Variants in NKX2-2 observed in about 807,000 individuals in gnomAD.
NKX2-2 encodes the protein homeobox protein Nkx-2.2.
A neutral mutation model predicts 24.6 loss-of-function variants in NKX2-2; 8 were observed. The observed-to-expected ratio is 0.32, with a 90% CI of 0.19 to 0.59. NKX2-2 has a LOEUF of 0.59. Among genes scored for constraint, NKX2-2 ranks in the 20% least tolerant of loss-of-function variants. The probability of loss-of-function intolerance (pLI) is 0.86; values close to 1 mark genes in which losing one functional copy is unlikely to be tolerated. For synonymous variants in NKX2-2, 217 were observed against 173.3 expected (o/e 1.25, Z -1.98); for missense variants, 381 against 373.9 (o/e 1.02, Z -0.16).
chr20:21,511,992 G>A lies in NKX2-2; in HGVS notation c.753C>T (p.Tyr251=). ...GGTACTGGGGGGTGCTGGCCGAGCT[G>A]TACTGGGCGTTGTACTGCATGTGCT... ...SLQHMQYNAQ[Y]SSASTPQYPT... is the part of the protein sequence containing the mutation. Residue 251 remains tyrosine, a synonymous_variant, in exon 2 of 2, where the codon TAC becomes TAT. Transcript: ENST00000377142. The A allele has an allele frequency of 1.2e-6, 2 of 1,613,100 alleles. No individual in the cohort carries two copies. The highest frequency in any genetic ancestry group is 8.5e-7 in the Non-Finnish European group (1 of 1,179,918).
rs201557031 is a variant in NKX2-2, at chr20:21,512,037, G to T, written c.708C>A (p.Ala236=). 48 of 1,613,750 alleles carry T rather than the reference G, an allele frequency of 3.0e-5. No individual in the cohort carries two copies. The Admixed American group carries it at 6.5e-4, about 22-fold the overall frequency. Residue 236 remains alanine (A), a synonymous_variant, in exon 2 of 2, where the codon GCC becomes GCA. Coordinates refer to ENST00000377142, the MANE Select transcript of NKX2-2 (RefSeq NM_002509.4). ...ATFQAGIPFS[A]YSAQSLQHMQ... The stretch of plus-strand genomic sequence containing the variant: ...TGTGCTGCAGCGACTGCGCGCTGTA[G>T]GCAGAAAAGGGAATGCCCGCCTGGA...
In NKX2-2 at chr20:21,511,842, A is replaced by C; in HGVS notation, c.*81T>G. On this transcript the variant is annotated 3_prime_UTR_variant, in exon 2 of 2. Coordinates refer to ENST00000377142, the MANE Select transcript of NKX2-2 (RefSeq NM_002509.4). ...AATTATAATAATAATAATAACCACC[A>C]TAAGGACCGAGGCCTCCTCGCCGCC... 1 of 1,029,386 alleles carries C rather than the reference A, an allele frequency of 9.7e-7. No homozygotes were observed. The allele number at this position is 1,029,386 out of a possible 1,614,324, so 63.8% of individuals were successfully genotyped here. A position where few individuals can be genotyped will look rare whatever the true frequency, so the allele number is the denominator to read the frequency against.
chr20:21,513,952 G>T lies in NKX2-2; in HGVS notation c.-283C>A, dbSNP rs1026079962. ...AAGCCGGGCGGCCTGCGCGCCGAGC[G>T]CCGCGGGCCCCGGCCTTAGTTTCTA... On this transcript the variant is annotated 5_prime_UTR_variant, in exon 1 of 2. Transcript: ENST00000377142. This position sits in a 1 kb window ranked among gnomAD's most constrained non-coding sequence, Gnocchi z 4.6. 5 of 239,550 alleles carry T rather than the reference G, an allele frequency of 2.1e-5. No homozygotes were observed. The highest frequency in any genetic ancestry group is 1.1e-4 in the African/African-American group (5 of 44,394). The allele number at this position is 239,550 out of a possible 1,614,324, so 14.8% of individuals were successfully genotyped here. A position where few individuals can be genotyped will look rare whatever the true frequency, so the allele number is the denominator to read the frequency against.
upstream of NKX2-2, among the ~76,000 whole-genome samples, chr20:21,515,774 C>G (rs968143300): frequency 6.6e-6 from 1 of 152,154 alleles, no homozygotes; most frequent in African/African-American, 2.4e-5. Context: ...AGCGCGCGGG[C>G]ACCGGGTCCT....
rs780490135 is a variant in NKX2-2, at chr20:21,513,677, G to C, written c.-8C>G. ...TGTGTTGGTCAGCGACATGGTTCGAGACCCCAAAATTTATGTCGCAAAGTT... is the reference window on the plus strand; with the variant it reads ...TGTGTTGGTCAGCGACATGGTTCGACACCCCAAAATTTATGTCGCAAAGTT... On this transcript the variant is annotated 5_prime_UTR_variant, in exon 1 of 2. Coordinates refer to ENST00000377142, the MANE Select transcript of NKX2-2 (RefSeq NM_002509.4). This position sits in a 1 kb window ranked among gnomAD's most constrained non-coding sequence, Gnocchi z 4.6. 1 of 1,423,960 alleles carries C rather than the reference G, an allele frequency of 7.0e-7. No individual in the cohort carries two copies. The highest frequency in any genetic ancestry group is 1.3e-5 in the South Asian group (1 of 76,498). The allele number at this position is 1,423,960 out of a possible 1,614,324, so 88.2% of individuals were successfully genotyped here.
upstream of NKX2-2, among the ~76,000 whole-genome samples, chr20:21,516,703 G>A (rs1980649111): frequency 6.6e-6 from 1 of 152,202 alleles, no homozygotes; most frequent in South Asian, 2.1e-4. Flanking sequence ...GTCCAGGGCA[G>A]CCACTAGGTT....
chr20:21,519,533 C>G, the NKX2-2 span, among the ~76,000 whole-genome samples: 4 of 152,148 alleles, frequency 2.6e-5, no homozygotes, highest in Non-Finnish European at 5.9e-5. Context: ...CCAATCTGGT[C>G]CCTGAGTGTG....
chr20:21,517,959 C>T (rs1362310935), upstream of NKX2-2, among the ~76,000 whole-genome samples: 1 of 152,192 alleles, frequency 6.6e-6, no homozygotes, highest in Non-Finnish European at 1.5e-5. Flanking sequence ...CTGCCTGCAC[C>T]AGTTTCAGCT....
chr20:21,513,343 T>C lies in NKX2-2; in HGVS notation c.259+68A>G, dbSNP rs936665252. The C allele has an allele frequency of 3.2e-5, 47 of 1,469,350 alleles. No individual in the cohort carries two copies. The highest frequency in any genetic ancestry group is 2.2e-4 in the East Asian group (9 of 40,048). 91.0% of individuals were successfully genotyped at this position (1,469,350 alleles called of 1,614,324 possible). A position where few individuals can be genotyped will look rare whatever the true frequency, so the allele number is the denominator to read the frequency against. On this transcript the variant is annotated intron_variant, in intron 1 of 1. Transcript: ENST00000377142. This position sits in a 1 kb window ranked among gnomAD's most constrained non-coding sequence, Gnocchi z 4.6. ...GCCCCTTCCCCTTTCACTCCCAGCG[T>C]CCAACCCGGGCTGCGGCTGCAGGAA...
rs778090576 is a variant in NKX2-2, at chr20:21,513,492, G to C, written c.178C>G (p.Pro60Ala). The C allele has an allele frequency of 6.2e-7, 1 of 1,611,740 alleles. No individual in the cohort carries two copies. Among genetic ancestry groups the C allele is most frequent in the African/African-American group, 1.3e-5 (1 of 74,840 alleles). ...CTGTCGTAGAAGGGGTTCTTCAGGG[G>C]CAGGCTCTGCACCGCGTCCAGGGCG... ...QGALDAVQSL[P>A]LKNPFYDSSD... is the part of the protein sequence containing the mutation. Residue 60 changes from proline (P) to alanine (A), a missense_variant, in exon 1 of 2, where the codon CCC becomes GCC. Transcript: ENST00000377142. The surrounding 1 kb of genome is among the most constrained non-coding windows in gnomAD (Gnocchi z 4.6).
the NKX2-2 span, among the ~76,000 whole-genome samples, chr20:21,519,307 C>A: frequency 1.3e-5 from 2 of 152,174 alleles, no homozygotes; most frequent in South Asian, 2.1e-4. Context: ...CAGATAACAA[C>A]CTTCAAGTGG....
chr20:21,522,167 T>G, the NKX2-2 span, among the ~76,000 whole-genome samples: 1 of 152,220 alleles, frequency 6.6e-6, no homozygotes, highest in East Asian at 1.9e-4. Context: ...ACTCCTGCCG[T>G]GATCCGCAAA....
the NKX2-2 span, among the ~76,000 whole-genome samples, chr20:21,522,401 G>A: frequency 6.6e-6 from 1 of 152,166 alleles, no homozygotes; most frequent in Non-Finnish European, 1.5e-5. Context: ...CGCGCCGGGC[G>A]GCTGTGGCAG....
In NKX2-2 at chr20:21,512,031, G is replaced by T. The variant is rs147126971; in HGVS notation, c.714C>A (p.Ser238Arg). ...FQAGIPFSAYSAQSLQHMQYN... is the reference protein window; with the variant it reads ...FQAGIPFSAYRAQSLQHMQYN... ...ACTGCATGTGCTGCAGCGACTGCGC[G>T]CTGTAGGCAGAAAAGGGAATGCCCG... The change falls in exon 2 of 2, where the codon AGC becomes AGA. Residue 238 changes from serine (S) to arginine (R), a missense_variant. Physicochemically the swap from Ser to Arg is moderately radical, Grantham distance 110. This residue lies in a region of NKX2-2 where 139 missense variants were observed against 121.7 expected (regional missense o/e 1.14). Transcript: ENST00000377142. 5 of 1,613,674 alleles carry T rather than the reference G, an allele frequency of 3.1e-6. No homozygotes were observed. The highest frequency in any genetic ancestry group is 4.2e-6 in the Non-Finnish European group (5 of 1,179,946).
chr20:21,517,815 C>T (rs921482923), upstream of NKX2-2, among the ~76,000 whole-genome samples: 20 of 152,186 alleles, frequency 1.3e-4, no homozygotes, highest in Admixed American at 4.6e-4. Context: ...AGTACCACAG[C>T]TAGGCCTTCT....
the NKX2-2 span, among the ~76,000 whole-genome samples, chr20:21,521,336 C>T: frequency 4.5e-4 from 68 of 152,038 alleles, no homozygotes; most frequent in African/African-American, 1.6e-3. Flanking sequence ...GAGGGGGCGC[C>T]CCTCGGAGAC....
the NKX2-2 span, among the ~76,000 whole-genome samples, chr20:21,520,860 T>A: frequency 6.6e-6 from 1 of 152,232 alleles, no homozygotes; most frequent in Non-Finnish European, 1.5e-5. Flanking sequence ...CTTCCCCGGA[T>A]GAGGGCGATT....
chr20:21,516,200 GACT>G (rs1980633303), upstream of NKX2-2, among the ~76,000 whole-genome samples: 1 of 152,006 alleles, frequency 6.6e-6, no homozygotes, highest in African/African-American at 2.4e-5. Flanking sequence ...CTTTTCAATG[GACT>G]ATCTCTTCAT....
chr20:21,516,500 G>C (rs1980643788), upstream of NKX2-2, among the ~76,000 whole-genome samples: 1 of 151,850 alleles, frequency 6.6e-6, no homozygotes, highest in Non-Finnish European at 1.5e-5. Context: ...AGGGAAGTTG[G>C]TTCTCCAGGA....
Sources: gnomAD v4.1 joint callset for allele counts (sites outside exome capture counted in the v4.1 genomes callset) on GRCh38, gnomAD v4.1.1 for gene constraint, gnomAD v4.1.1 regional missense constraint, Gnocchi (gnomAD v3.1) non-coding constraint, MANE v1.5 for transcripts, NCBI Gene and HGNC (gene_info 2026-07-23, HGNC 2026-07-21) for gene names.